Variants in S100PBP observed in about 807,000 individuals in gnomAD.
S100PBP encodes the protein S100P binding protein.
A neutral mutation model predicts 39.9 loss-of-function variants in S100PBP; 15 were observed. The observed-to-expected ratio is 0.38, with a 90% confidence interval of 0.25 to 0.58. The LOEUF (loss-of-function observed/expected upper bound fraction) is 0.58, where lower values mean the gene tolerates loss of function less well. Among genes scored for constraint, S100PBP ranks in the 20% least tolerant of loss-of-function variants. The pLI is 0.70. For missense variants in S100PBP, 504 were observed against 487.3 expected, an observed-to-expected ratio of 1.03 and a Z score of -0.32; for synonymous variants, 178 against 180.3, an observed-to-expected ratio of 0.99 and a Z score of 0.10.
chr1:32,836,134 C>CTTTTTTTTTTTTTTTTTTTTTTTTTTTTT (rs781749587), intron 5 of S100PBP: 1 of 137,470 alleles, frequency 7.3e-6, no homozygotes, highest in Non-Finnish European at 1.6e-5. Context: ...TTTTTTTGTG[C>CTTTTTTTTTTTTTTTTTTTTTTTTTTTTT]TTTTTTTTTT....
chr1:32,841,174 A>G (rs546494239), intron 5 of S100PBP, among the ~76,000 whole-genome samples: 1 of 151,010 alleles, frequency 6.6e-6, no homozygotes, highest in East Asian at 1.9e-4. Flanking sequence ...AAAAAAAAAA[A>G]TAAAAAAAAT....
In S100PBP at chr1:32,845,086, G is replaced by A. The variant is rs758811985; in HGVS notation, c.1025-7993G>A. 4.6e-5 allele frequency among the ~76,000 whole-genome samples: 7 copies of A among 151,184 alleles called. 1 individual carries two copies. Among genetic ancestry groups the A allele is most frequent in the African/African-American group, 1.2e-4 (5 of 41,094 alleles). The stretch of plus-strand genomic sequence containing the variant: ...GTTGCCCAGGCTGGAGTGCAGTGGC[G>A]CGATCTTGGCTCACTGCAGGCTCCG... On this transcript the variant is annotated intron_variant, in intron 5 of 6. Coordinates refer to ENST00000373475, the MANE Select transcript of S100PBP (RefSeq NM_022753.4).
intron 4 of S100PBP, 91 bp from the exon 5 acceptor site, chr1:32,829,873 T>A (rs368120001): frequency 3.6e-5 from 30 of 836,290 alleles, no homozygotes; most frequent in African/African-American, 1.9e-4. Context: ...TTAGTTCTAA[T>A]CAATCAGCAG....
intron 1 of S100PBP, chr1:32,820,407 A>G (rs748452428): frequency 6.6e-6 from 1 of 152,148 alleles, no homozygotes; most frequent in Non-Finnish European, 1.5e-5. Context: ...CAGCCTCCCA[A>G]AGTGCTGGGA....
intron 5 of S100PBP, chr1:32,836,074 A>T (rs181198921): frequency 6.6e-6 from 1 of 151,272 alleles, no homozygotes. Context: ...TTGCAGTCCT[A>T]CCAACAGTGC....
At chr1:32,816,976 G>C (rs988560476), upstream of S100PBP, 5 of 633,290 alleles carry the variant, frequency 7.9e-6, no homozygotes, top group South Asian at 7.4e-5. Context: ...ACAACTGGAC[G>C]CAAGAGGTGA....
intron 1 of S100PBP, among the ~76,000 whole-genome samples, chr1:32,819,007 T>C (rs762953069): frequency 6.6e-5 from 10 of 152,154 alleles, no homozygotes; most frequent in Non-Finnish European, 1.5e-5. Flanking sequence ...CATCTGGTGT[T>C]GCAGTTTTAG....
At chr1:32,818,053 G>T (rs1007445383) in intron 1 of S100PBP, 1 of 152,970 alleles carries the variant, frequency 6.5e-6, no homozygotes, top group Non-Finnish European at 1.5e-5. Flanking sequence ...ATAGCCGCGG[G>T]CTTTTCTGCC....
chr1:32,835,972 A>G (rs1343982501), intron 5 of S100PBP: 1 of 152,096 alleles, frequency 6.6e-6, no homozygotes, highest in Non-Finnish European at 1.5e-5. Flanking sequence ...TTCTGGATAT[A>G]TATGCAGAAG....
chr1:32,843,641 CAG>C (rs1266020873), intron 5 of S100PBP, among the ~76,000 whole-genome samples: 1 of 152,126 alleles, frequency 6.6e-6, no homozygotes, highest in African/African-American at 2.4e-5. Context: ...TTAGTAGAGA[CAG>C]GGTTTCTCCA....
chr1:32,829,853 C>T, intron 4 of S100PBP, 111 bp from the exon 5 acceptor site: 1 of 707,236 alleles, frequency 1.4e-6, no homozygotes, highest in Non-Finnish European at 2.4e-6. Flanking sequence ...GATAATTTTG[C>T]CTCTGAAACT....
At chr1:32,850,288 G>A (rs1448453139) in intron 5 of S100PBP, among the ~76,000 whole-genome samples, 3 of 152,222 alleles carry the variant, frequency 2.0e-5, no homozygotes, top group East Asian at 3.9e-4. Context: ...TGAAGCTTTG[G>A]TAGGAAAAAT....
intron 5 of S100PBP, among the ~76,000 whole-genome samples, chr1:32,845,668 A>G (rs1353457797): frequency 1.3e-5 from 2 of 149,926 alleles, no homozygotes; most frequent in Non-Finnish European, 3.0e-5. Flanking sequence ...ACACATTTTG[A>G]TATGTTTTCA....
chr1:32,817,126 C>A (rs941505746), upstream of S100PBP: 86 of 1,605,928 alleles, frequency 5.4e-5, no homozygotes, highest in Non-Finnish European at 6.4e-5. Flanking sequence ...TAATGGGGCT[C>A]AAAATCACTG....
intron 1 of S100PBP, chr1:32,818,883 A>C (rs1425533004): frequency 6.6e-6 from 1 of 152,272 alleles, no homozygotes; most frequent in Non-Finnish European, 1.5e-5. Flanking sequence ...GTTGGAAATC[A>C]AAGGCCAGGG....
chr1:32,820,369 C>G (rs1336689287), intron 1 of S100PBP, among the ~76,000 whole-genome samples: 2 of 152,070 alleles, frequency 1.3e-5, no homozygotes, highest in African/African-American at 4.8e-5. Context: ...TGGTCTTGAA[C>G]TCCTGACCTC....
At chr1:32,840,566 AG>A (rs1466846482) in intron 5 of S100PBP, among the ~76,000 whole-genome samples, 1 of 151,882 alleles carries the variant, frequency 6.6e-6, no homozygotes, top group Non-Finnish European at 1.5e-5. Flanking sequence ...CATGTTGGCC[AG>A]GCTGGTTTCG....
At chr1:32,827,338 A>G (rs1053812990) in intron 3 of S100PBP, among the ~76,000 whole-genome samples, 1 of 152,136 alleles carries the variant, frequency 6.6e-6, no homozygotes, top group Non-Finnish European at 1.5e-5. Flanking sequence ...CTATGTCTCA[A>G]TCTTTATTGC....
chr1:32,855,843 G>C, intron 6 of S100PBP, 81 bp from the exon 7 acceptor site: 2 of 723,316 alleles, frequency 2.8e-6, no homozygotes, highest in Non-Finnish European at 2.3e-6. Flanking sequence ...TCTTAAAATT[G>C]TTGTGCTGGC....
Sources: allele counts gnomAD v4.1 joint callset (sites outside exome capture counted in the v4.1 genomes callset), GRCh38; gene constraint gnomAD v4.1.1; transcripts MANE v1.5; gene names NCBI Gene and HGNC (gene_info 2026-07-23, HGNC 2026-07-21).